The following RALGAPA1 variants were observed in gnomAD, a reference collection of about 807,000 sequenced individuals.
The protein encoded by RALGAPA1 is Ral GTPase activating protein catalytic subunit alpha 1.
In RALGAPA1, 52 loss-of-function variants were observed where a neutral mutation model predicts 269.6. The observed-to-expected ratio is 0.19, with a 90% CI of 0.15 to 0.24. RALGAPA1 has a LOEUF of 0.24. Ranked by LOEUF, RALGAPA1 falls within the 10% of genes least tolerant of loss-of-function variation. The pLI is 1.00. For synonymous variants in RALGAPA1, 817 were observed against 1,008.3 expected (o/e 0.81, Z 3.60); for missense variants, 1,917 against 3,013.9 (o/e 0.64, Z 8.52).
chr14:35,784,879 G>A (rs913852598), intron 1 of RALGAPA1, among the ~76,000 whole-genome samples: 23 of 152,112 alleles, frequency 1.5e-4, no homozygotes, highest in African/African-American at 5.3e-4. Flanking sequence ...TGATAGGCGA[G>A]TAATCAAAAT....
chr14:35,672,987 T>C lies in RALGAPA1; in HGVS notation c.4953A>G (p.Lys1651=). ...TACAAATAAGTTTATATGCATGTAATTTACCTTGTTTATATTTATCAGTCA... is the reference window on the plus strand; with the variant it reads ...TACAAATAAGTTTATATGCATGTAACTTACCTTGTTTATATTTATCAGTCA... ...TMLTDKYKQG[K]LHAYKLICNT... The change falls in exon 25 of 42, where the codon AAA becomes AAG. Residue 1651 remains lysine (K), a synonymous_variant. Transcript: ENST00000680220. The C allele has an allele frequency of 6.5e-7, 1 of 1,546,790 alleles. No individual in the cohort carries two copies. The highest frequency in any genetic ancestry group is 8.7e-7 in the Non-Finnish European group (1 of 1,146,304).
intron 30 of RALGAPA1, among the ~76,000 whole-genome samples, chr14:35,652,855 A>T (rs1004450363): frequency 6.6e-6 from 1 of 152,192 alleles, no homozygotes; most frequent in Non-Finnish European, 1.5e-5. Context: ...GAAATCATTT[A>T]GTCTTATTTA....
At chr14:35,581,490 C>T (rs928992963) in intron 37 of RALGAPA1, among the ~76,000 whole-genome samples, 1 of 152,118 alleles carries the variant, frequency 6.6e-6, no homozygotes, top group African/African-American at 2.4e-5. Context: ...ATTGTTCATA[C>T]ATATAGAGCT....
At chr14:35,559,561 G>T (rs558714283) in intron 39 of RALGAPA1, among the ~76,000 whole-genome samples, 1 of 152,244 alleles carries the variant, frequency 6.6e-6, no homozygotes, top group Non-Finnish European at 1.5e-5. Context: ...CAAACTTCAA[G>T]TTTCGTTGTT....
chr14:35,721,170 G>A (rs1029019896), intron 16 of RALGAPA1, among the ~76,000 whole-genome samples: 2 of 152,098 alleles, frequency 1.3e-5, no homozygotes, highest in Non-Finnish European at 2.9e-5. Context: ...TATTTCCCAG[G>A]TTATAGAACT....
At chr14:35,589,283 G>T (rs940995121) in intron 37 of RALGAPA1, among the ~76,000 whole-genome samples, 15 of 152,122 alleles carry the variant, frequency 9.9e-5, no homozygotes, top group Non-Finnish European at 2.1e-4. Context: ...GAGAGAAGCT[G>T]GTCAAGGGAC....
At chr14:35,702,422 T>C (rs2067430605) in intron 16 of RALGAPA1, among the ~76,000 whole-genome samples, 1 of 152,184 alleles carries the variant, frequency 6.6e-6, no homozygotes, top group African/African-American at 2.4e-5. Context: ...TGGCAACAAT[T>C]TGTCTTTAGT....
At chr14:35,793,550 T>TA (rs2076347122) in intron 1 of RALGAPA1, among the ~76,000 whole-genome samples, 1 of 152,120 alleles carries the variant, frequency 6.6e-6, no homozygotes, top group Admixed American at 6.6e-5. Flanking sequence ...GGTCTATTTC[T>TA]ATAATGTGTA....
intron 16 of RALGAPA1, among the ~76,000 whole-genome samples, chr14:35,709,014 C>T (rs1189371789): frequency 6.6e-6 from 1 of 151,836 alleles, no homozygotes; most frequent in Non-Finnish European, 1.5e-5. Context: ...TCTGTGGGAG[C>T]TAAAAATTAA....
chr14:35,750,740 T>C, intron 8 of RALGAPA1, 50 bp from the exon 9 acceptor site: 1 of 1,456,118 alleles, frequency 6.9e-7, no homozygotes, highest in South Asian at 1.3e-5. Context: ...AGAAATTATG[T>C]TTAGAAAAAA....
intron 34 of RALGAPA1, among the ~76,000 whole-genome samples, chr14:35,626,758 A>G (rs562184683): frequency 1.6e-4 from 25 of 152,220 alleles, no homozygotes; most frequent in African/African-American, 5.3e-4. Context: ...TCCTGAGTTA[A>G]TTTCCCTGAT....
intron 34 of RALGAPA1, 96 bp from the exon 35 acceptor site, chr14:35,625,528 A>G: frequency 1.2e-6 from 1 of 837,310 alleles, no homozygotes; most frequent in Non-Finnish European, 1.8e-6. Flanking sequence ...CAACTTTTCT[A>G]CTTTTCTTGC....
At chr14:35,712,137 C>T (rs2068403012) in intron 16 of RALGAPA1, among the ~76,000 whole-genome samples, 5 of 150,888 alleles carry the variant, frequency 3.3e-5, no homozygotes, top group Admixed American at 6.6e-5. Flanking sequence ...ATCCTAGCTA[C>T]TCAGGAGGCT....
chr14:35,769,473 T>G (rs1470487805), intron 4 of RALGAPA1, among the ~76,000 whole-genome samples: 1 of 152,042 alleles, frequency 6.6e-6, no homozygotes, highest in Non-Finnish European at 1.5e-5. Flanking sequence ...TGAAAAACAG[T>G]TAGGTACTAT....
In RALGAPA1 at chr14:35,539,513, T is replaced by C. The variant is rs1278266031; in HGVS notation, c.*201A>G. ...CCTATGTTCGTGCTAAGGTGGCTAC[T>C]GCTGATCACTGCTGGGCTGCTTGTC... On this transcript the variant is annotated 3_prime_UTR_variant, in exon 42 of 42. Coordinates refer to ENST00000680220, the MANE Select transcript of RALGAPA1 (RefSeq NM_001346249.2). 1.2e-6 allele frequency: 2 copies of C among 1,607,148 alleles called. No homozygotes were observed.
chr14:35,568,391 A>T (rs554513471), intron 39 of RALGAPA1, among the ~76,000 whole-genome samples: 2 of 152,288 alleles, frequency 1.3e-5, no homozygotes, highest in Admixed American at 1.3e-4. Flanking sequence ...CAGAGAAGGG[A>T]TATTCAACCT....
intron 37 of RALGAPA1, among the ~76,000 whole-genome samples, chr14:35,573,998 T>C (rs1376132319): frequency 1.3e-5 from 2 of 152,206 alleles, no homozygotes; most frequent in Admixed American, 1.3e-4. Flanking sequence ...TGTCATATGC[T>C]GTACATGTTA....
rs927765213 is a variant in RALGAPA1 at position 35,620,354 on chromosome 14, C to T, written c.6929+5007G>A. On this transcript the variant is annotated intron_variant, in intron 35 of 41. Coordinates refer to ENST00000680220, the MANE Select transcript of RALGAPA1 (RefSeq NM_001346249.2). The stretch of plus-strand genomic sequence containing the variant: ...CTCAATAAACTAGGTACTGATGCAA[C>T]GTATCTCAAAATAACTAGAGCTATT... 5.3e-5 allele frequency among the ~76,000 whole-genome samples: 8 copies of T among 152,152 alleles called. No individual in the cohort carries two copies. The East Asian group carries it at 1.2e-3, about 22-fold the overall frequency.
At chr14:35,626,886 A>G (rs2061022724) in intron 34 of RALGAPA1, among the ~76,000 whole-genome samples, 1 of 152,112 alleles carries the variant, frequency 6.6e-6, no homozygotes, top group African/African-American at 2.4e-5. Flanking sequence ...TTTTGAAAAT[A>G]TTGATAATTT....
Sources: gnomAD v4.1 joint callset for allele counts (sites outside exome capture counted in the v4.1 genomes callset) on GRCh38, gnomAD v4.1.1 for gene constraint, MANE v1.5 for transcripts, NCBI Gene and HGNC (gene_info 2026-07-23, HGNC 2026-07-21) for gene names.